The following PTPRR variants were observed in gnomAD, a reference collection of about 807,000 sequenced individuals.
The protein encoded by PTPRR is receptor-type tyrosine-protein phosphatase R.
A neutral mutation model predicts 77.2 loss-of-function variants in PTPRR; 38 were observed. The ratio of observed to expected loss-of-function variants is 0.49; its 90% CI spans 0.38 to 0.65. The LOEUF is 0.65. Among genes scored for constraint, PTPRR ranks in the 30% least tolerant of loss-of-function variants. The pLI, the probability that PTPRR is intolerant of heterozygous loss-of-function variation, is 0.00. For synonymous variants in PTPRR, 299 were observed against 283.1 expected (o/e 1.06, Z -0.57); for missense variants, 744 against 799.2 (o/e 0.93, Z 0.83).
chr12:70,902,109 A>T (rs1304699131), intron 1 of PTPRR, among the ~76,000 whole-genome samples: 1 of 151,940 alleles, frequency 6.6e-6, no homozygotes, highest in Admixed American at 6.6e-5. Flanking sequence ...TCAAAACCAC[A>T]ATGCAATACC....
chr12:70,771,653 T>A (rs145493923), intron 2 of PTPRR, among the ~76,000 whole-genome samples: 1 of 152,314 alleles, frequency 6.6e-6, no homozygotes, highest in African/African-American at 2.4e-5. Context: ...TTCATTGAAA[T>A]GTGCCTTGAA....
At chr12:70,900,682 A>C (rs963972545) in intron 1 of PTPRR, among the ~76,000 whole-genome samples, 1 of 151,618 alleles carries the variant, frequency 6.6e-6, no homozygotes, top group African/African-American at 2.4e-5. Context: ...GTAATACCAA[A>C]AAAATTAACC....
intron 2 of PTPRR, among the ~76,000 whole-genome samples, chr12:70,882,217 G>A (rs1893160875): frequency 6.6e-6 from 1 of 152,168 alleles, no homozygotes. Flanking sequence ...TAGAAGCTTT[G>A]TCATTAAATA....
intron 2 of PTPRR, among the ~76,000 whole-genome samples, chr12:70,871,022 C>T (rs1892949533): frequency 6.6e-6 from 1 of 152,156 alleles, no homozygotes; most frequent in Admixed American, 6.5e-5. Context: ...AAATCCAAAA[C>T]CAGCATCACA....
At position 70,811,184 on chromosome 12, in the gene PTPRR, A is replaced by G. The variant is rs141710920; in HGVS notation, c.358-46406T>C. Among the ~76,000 whole-genome samples the G allele has an allele frequency of 4.9e-3, 752 of 152,318 alleles. 9 individuals are homozygous for G. The highest frequency in any genetic ancestry group is 0.017 in the African/African-American group (722 of 41,584). ...CACTGCAGTTTCTCAACCAATGCAT[A>G]ACAAACAAGGAAAGGTACTGTTCTG... On this transcript the variant is annotated intron_variant, in intron 2 of 13. Transcript: ENST00000283228.
rs1254839133 is a variant in PTPRR at position 70,892,118 on chromosome 12, T to A, written c.357+561A>T. On this transcript the variant is annotated intron_variant, in intron 2 of 13. Coordinates refer to ENST00000283228, the MANE Select transcript of PTPRR (RefSeq NM_002849.4). ...AGCAATGGGATCATTGTATCACTTT[T>A]ATTAATAAAGAATGGTTATTATTCA... Among the ~76,000 whole-genome samples the A allele has an allele frequency of 3.9e-5, 6 of 152,084 alleles. No homozygotes were observed. In the East Asian group the frequency reaches 1.2e-3, roughly 29 times the overall value.
At chr12:70,902,505 A>G (rs961500664) in intron 1 of PTPRR, among the ~76,000 whole-genome samples, 9 of 151,834 alleles carry the variant, frequency 5.9e-5, no homozygotes, top group African/African-American at 2.2e-4. Context: ...ATGTCTCTAT[A>G]TATGTATAGC....
intron 13 of PTPRR, among the ~76,000 whole-genome samples, chr12:70,643,755 G>A (rs1163934268): frequency 6.6e-6 from 1 of 150,784 alleles, no homozygotes; most frequent in East Asian, 1.9e-4. Flanking sequence ...GAGAAACAAG[G>A]GTACTCTTTT....
intron 2 of PTPRR, among the ~76,000 whole-genome samples, chr12:70,850,928 T>C (rs1892562285): frequency 6.6e-6 from 1 of 152,144 alleles, no homozygotes; most frequent in Non-Finnish European, 1.5e-5. Context: ...CTTCTGAGTG[T>C]TTCTCCTGTT....
At chr12:70,910,357 ATTTTTGTTG>A (rs1160982529) in intron 1 of PTPRR, among the ~76,000 whole-genome samples, 2 of 152,100 alleles carry the variant, frequency 1.3e-5, no homozygotes, top group Non-Finnish European at 2.9e-5. Context: ...GTTAAGGCAT[ATTTTTGTTG>A]TTTCTGAAGT....
chr12:70,706,270 A>G (rs1456988969), intron 6 of PTPRR, among the ~76,000 whole-genome samples: 1 of 152,092 alleles, frequency 6.6e-6, no homozygotes, highest in East Asian at 1.9e-4. Context: ...GGATCACTTG[A>G]AAGATGATAG....
At chr12:70,643,114 T>G (rs1226370712) in intron 13 of PTPRR, among the ~76,000 whole-genome samples, 1 of 152,138 alleles carries the variant, frequency 6.6e-6, no homozygotes, top group African/African-American at 2.4e-5. Context: ...TAATCCATTC[T>G]TAGAAAGGTC....
chr12:70,906,086 A>G (rs1376693178), intron 1 of PTPRR, among the ~76,000 whole-genome samples: 1 of 152,000 alleles, frequency 6.6e-6, no homozygotes, highest in Non-Finnish European at 1.5e-5. Flanking sequence ...CCTATTTAGT[A>G]TTGAGAAAGG....
At chr12:70,679,883 T>C (rs1383472985) in intron 10 of PTPRR, among the ~76,000 whole-genome samples, 2 of 152,176 alleles carry the variant, frequency 1.3e-5, no homozygotes, top group African/African-American at 4.8e-5. Context: ...ATTTAATCTA[T>C]TTCCATTCAA....
intron 2 of PTPRR, among the ~76,000 whole-genome samples, chr12:70,817,095 G>A (rs1891916470): frequency 6.6e-6 from 1 of 152,060 alleles, no homozygotes; most frequent in African/African-American, 2.4e-5. Flanking sequence ...ATACTATTAT[G>A]TGTTATACTT....
At chr12:70,906,811 T>G (rs1893629948) in intron 1 of PTPRR, 1 of 152,124 alleles carries the variant, frequency 6.6e-6, no homozygotes, top group Non-Finnish European at 1.5e-5. Flanking sequence ...AAAAGTTTTT[T>G]TAAAAAAAAA....
chr12:70,771,125 G>A (rs1391995783), intron 2 of PTPRR, among the ~76,000 whole-genome samples: 2 of 150,290 alleles, frequency 1.3e-5, no homozygotes, highest in African/African-American at 4.9e-5. Flanking sequence ...TGCACATTGT[G>A]CACATGTACC....
intron 13 of PTPRR, among the ~76,000 whole-genome samples, chr12:70,652,514 C>T (rs913240327): frequency 2.0e-5 from 3 of 152,098 alleles, no homozygotes; most frequent in African/African-American, 7.2e-5. Context: ...GAAACAGCTG[C>T]TCAGAAAGAA....
intron 2 of PTPRR, among the ~76,000 whole-genome samples, chr12:70,870,978 C>A (rs574578383): frequency 6.6e-6 from 1 of 152,256 alleles, no homozygotes; most frequent in South Asian, 2.1e-4. Context: ...AAAATATAAC[C>A]AACACTTGGG....
Sources: gnomAD v4.1 joint callset for allele counts (sites outside exome capture counted in the v4.1 genomes callset) on GRCh38, gnomAD v4.1.1 for gene constraint, MANE v1.5 for transcripts, NCBI Gene and HGNC (gene_info 2026-07-23, HGNC 2026-07-21) for gene names.